Variants in RALB observed in about 807,000 individuals in gnomAD.
RALB encodes the protein ras-related protein Ral-B.
In RALB, 16 loss-of-function variants were observed where a neutral mutation model predicts 21.3. The observed-to-expected ratio is 0.75, with a 90% CI of 0.51 to 1.14. The LOEUF is 1.14. RALB is among the 50% of genes most tolerant of loss of function. The probability of loss-of-function intolerance (pLI) is 0.00; values close to 1 mark genes in which losing one functional copy is unlikely to be tolerated. For missense variants in RALB, 161 were observed against 256.2 expected, an observed-to-expected ratio of 0.63 and a Z score of 2.54; for synonymous variants, 93 against 96.1, an observed-to-expected ratio of 0.97 and a Z score of 0.19.
At chr2:120,250,882 T>G (rs540885013), upstream of RALB, among the ~76,000 whole-genome samples, 1 of 152,228 alleles carries the variant, frequency 6.6e-6, no homozygotes, top group Non-Finnish European at 1.5e-5. Context: ...CTGAATATAC[T>G]GCACAGCTCA....
chr2:120,249,974 C>G (rs773924701), upstream of RALB, among the ~76,000 whole-genome samples: 9 of 152,232 alleles, frequency 5.9e-5, no homozygotes, highest in Non-Finnish European at 8.8e-5. Flanking sequence ...GAAATACTCT[C>G]CTGTCCTTCC....
At chr2:120,282,176 C>T (rs2104646152) in intron 2 of RALB, among the ~76,000 whole-genome samples, 1 of 152,260 alleles carries the variant, frequency 6.6e-6, no homozygotes, top group South Asian at 2.1e-4. Context: ...GTTCCAAGAG[C>T]AAGTTCAGAT....
chr2:120,245,023 G>A (rs1254740933), intron 1 of RALB, among the ~76,000 whole-genome samples: 3 of 152,182 alleles, frequency 2.0e-5, no homozygotes, highest in African/African-American at 7.2e-5. Context: ...CCCTGGTGCC[G>A]AGTGCCCACT....
intron 1 of RALB, among the ~76,000 whole-genome samples, chr2:120,244,653 C>T (rs1688942159): frequency 1.3e-5 from 2 of 152,190 alleles, no homozygotes; most frequent in African/African-American, 4.8e-5. Context: ...TTTATCTGTC[C>T]ATCCGTCCAT....
intron 1 of RALB, among the ~76,000 whole-genome samples, chr2:120,268,964 A>G (rs190600753): frequency 6.6e-6 from 1 of 152,118 alleles, no homozygotes; most frequent in African/African-American, 2.4e-5. Context: ...ACATTGTATT[A>G]TATGTTTTCT....
At chr2:120,283,096 GT>G (rs1690035544) in intron 2 of RALB, among the ~76,000 whole-genome samples, 1 of 152,126 alleles carries the variant, frequency 6.6e-6, no homozygotes. Flanking sequence ...TCTTCTGGTG[GT>G]TCTGCCGCGT....
upstream of RALB, among the ~76,000 whole-genome samples, chr2:120,252,375 C>A (rs1689073395): frequency 6.6e-6 from 1 of 152,230 alleles, no homozygotes; most frequent in Non-Finnish European, 1.5e-5. Flanking sequence ...TGGAGTCCCG[C>A]CCCAAGACCC....
At chr2:120,254,084 C>G (rs10168224) in intron 1 of RALB, among the ~76,000 whole-genome samples, 105,582 of 152,030 alleles carry the variant, frequency 0.69, 37,251 homozygotes, top group Middle Eastern at 0.8. Context: ...CAGAAATGGG[C>G]CGACCATGAA....
chr2:120,290,164 T>C (rs1384139099), intron 4 of RALB, among the ~76,000 whole-genome samples: 1 of 151,272 alleles, frequency 6.6e-6, no homozygotes, highest in Non-Finnish European at 1.5e-5. Context: ...ACACTGGCTG[T>C]TTTTTGTGGA....
chr2:120,255,936 G>A (rs550506607), intron 1 of RALB, among the ~76,000 whole-genome samples: 5 of 152,256 alleles, frequency 3.3e-5, no homozygotes, highest in South Asian at 4.1e-4. Flanking sequence ...CAAGCTATAC[G>A]GCATGAGATG....
At chr2:120,284,902 T>C (rs1690089619) in intron 2 of RALB, among the ~76,000 whole-genome samples, 1 of 152,340 alleles carries the variant, frequency 6.6e-6, no homozygotes, top group South Asian at 2.1e-4. Context: ...TATGTCTAAC[T>C]TCTTTCACTC....
In RALB at chr2:120,252,976, C is replaced by A. The variant is rs1277769149; in HGVS notation, c.-52C>A. 7 of 984,908 alleles carry A rather than the reference C, an allele frequency of 7.1e-6. No homozygotes were observed. In the East Asian group the frequency reaches 6.9e-4, roughly 97 times the overall value. The allele number at this position is 984,908 out of a possible 1,614,324, so 61.0% of individuals were successfully genotyped here. A position where few individuals can be genotyped will look rare whatever the true frequency, so the allele number is the denominator to read the frequency against. On this transcript the variant is annotated 5_prime_UTR_variant, in exon 1 of 5. Transcript: ENST00000272519. ...GGACGGCGGAGGCGGCGGGACTGGT[C>A]CCTGGTAAGGGCGCGGCGCCCGCGG...
intron 2 of RALB, among the ~76,000 whole-genome samples, chr2:120,282,101 C>T (rs1046362488): frequency 1.6e-4 from 25 of 152,116 alleles, no homozygotes; most frequent in Admixed American, 1.6e-3. Flanking sequence ...GAGGCAGAGC[C>T]GTGGCAGATC....
At chr2:120,262,188 G>C (rs1342860050) in intron 1 of RALB, among the ~76,000 whole-genome samples, 1 of 152,170 alleles carries the variant, frequency 6.6e-6, no homozygotes, top group Non-Finnish European at 1.5e-5. Context: ...TGGCTGGAAA[G>C]GCCAGGCCTC....
intron 1 of RALB, among the ~76,000 whole-genome samples, chr2:120,255,343 T>G (rs1375544102): frequency 6.6e-6 from 1 of 152,132 alleles, no homozygotes; most frequent in Non-Finnish European, 1.5e-5. Flanking sequence ...GAAAAGGAAC[T>G]CTTCCTTCAT....
chr2:120,246,662 C>T lies in RALB; in HGVS notation c.19+6537C>T, dbSNP rs139804707. Among the ~76,000 whole-genome samples, 15 of 152,368 alleles carry T rather than the reference C, an allele frequency of 9.8e-5. 1 individual carries two copies. The East Asian group carries it at 2.1e-3, about 22-fold the overall frequency. On this transcript the variant is annotated intron_variant, in intron 1 of 3. Transcript: ENST00000447591. ...CACCCCTGGGCCAAGGACCTGGATC[C>T]GCCTGGGTGCGGTCAGCATGTAGGA...
At chr2:120,283,823 C>T (rs140799009) in intron 2 of RALB, among the ~76,000 whole-genome samples, 127 of 152,334 alleles carry the variant, frequency 8.3e-4, no homozygotes, top group African/African-American at 2.8e-3. Flanking sequence ...GTATGGTTCA[C>T]GCTAATGGAT....
Position 120,261,032 on chromosome 2 carries a change from C to T in RALB, c.-48+8052C>T, listed in dbSNP as rs142510411. ...GTGGTGCCAAATCTTGGGCTCCACT[C>T]CAGACCTACTGAATCAGAATATGCG... is the stretch of plus-strand genomic sequence containing the variant. On this transcript the variant is annotated intron_variant, in intron 1 of 4. Coordinates refer to ENST00000272519, the MANE Select transcript of RALB (RefSeq NM_002881.3). 3.4e-3 allele frequency among the ~76,000 whole-genome samples: 520 copies of T among 152,254 alleles called. 6 individuals are homozygous for T. Among genetic ancestry groups the T allele is most frequent in the African/African-American group, 0.012 (499 of 41,542 alleles).
At chr2:120,282,720 G>A (rs1690023270) in intron 2 of RALB, among the ~76,000 whole-genome samples, 1 of 152,102 alleles carries the variant, frequency 6.6e-6, no homozygotes, top group East Asian at 1.9e-4. Flanking sequence ...ACTGGAAAGT[G>A]GCAGTTATTG....
Sources: gnomAD v4.1 joint callset for allele counts (sites outside exome capture counted in the v4.1 genomes callset) on GRCh38, gnomAD v4.1.1 for gene constraint, MANE v1.5 for transcripts, NCBI Gene and HGNC (gene_info 2026-07-23, HGNC 2026-07-21) for gene names.